The following PLEKHA7 variants were observed in gnomAD, a reference collection of about 807,000 sequenced individuals.
PLEKHA7 encodes the protein pleckstrin homology domain-containing family A member 7.
PLEKHA7 carries 104 observed loss-of-function variants against 170.0 expected under a neutral mutation model. The observed-to-expected ratio is 0.61, with a 90% confidence interval of 0.52 to 0.72. The LOEUF is 0.72. Ranked by LOEUF, PLEKHA7 falls within the 30% of genes least tolerant of loss-of-function variation. The pLI, the probability that PLEKHA7 is intolerant of heterozygous loss-of-function variation, is 0.00. For synonymous variants in PLEKHA7, 648 were observed against 660.8 expected, an observed-to-expected ratio of 0.98 and a Z score of 0.30; for missense variants, 1,615 against 1,671.7, an observed-to-expected ratio of 0.97 and a Z score of 0.59.
At chr11:16,829,195 T>G (rs1276289936) in intron 9 of PLEKHA7, among the ~76,000 whole-genome samples, 1 of 151,030 alleles carries the variant, frequency 6.6e-6, no homozygotes, top group Admixed American at 6.6e-5. Context: ...AAAAAAAATC[T>G]GTAGAGACTG....
rs146843516 is a variant in PLEKHA7, at chr11:16,943,791, GCAGA to G, written c.221+70194_221+70197del. 7.8e-3 allele frequency among the ~76,000 whole-genome samples: 1,188 copies of G among 152,272 alleles called. 6 individuals carry two copies. Among genetic ancestry groups the G allele is most frequent in the Non-Finnish European group, 0.013 (917 of 68,016 alleles). On this transcript the variant is annotated intron_variant, in intron 3 of 26. Transcript: ENST00000531066. ...CCTTCGTGACCAGGAGATCATCCAG[GCAGA>G]CAGAGACAGTGCCAGGAGAAACTAA...
intron 3 of PLEKHA7, among the ~76,000 whole-genome samples, chr11:16,888,604 C>T (rs181414746): frequency 0.081 from 12,257 of 152,136 alleles, 78 homozygotes; most frequent in Non-Finnish European, 0.12. Flanking sequence ...GGATTAAGGG[C>T]GGTGCAAGAT....
rs549034105 is a variant in PLEKHA7 at position 16,889,122 on chromosome 11, A to G, written c.222-17940T>C. Among the ~76,000 whole-genome samples, 20 of 151,532 alleles carry G rather than the reference A, an allele frequency of 1.3e-4. 1 individual carries two copies. The East Asian group carries it at 3.7e-3, about 28-fold the overall frequency. ...AGCCAGTTCCTGCCTTAACTGATTAACCAACATTACAACATTCCACCATTG... is the reference window on the plus strand; with the variant it reads ...AGCCAGTTCCTGCCTTAACTGATTAGCCAACATTACAACATTCCACCATTG... On this transcript the variant is annotated intron_variant, in intron 3 of 26. Transcript: ENST00000531066.
chr11:16,940,558 G>A (rs923633374), intron 3 of PLEKHA7, among the ~76,000 whole-genome samples: 25 of 152,134 alleles, frequency 1.6e-4, no homozygotes, highest in Non-Finnish European at 3.4e-4. Flanking sequence ...AAAGTGCTGG[G>A]ATTACAGGCG....
chr11:16,897,626 T>C (rs1298311062), intron 3 of PLEKHA7, among the ~76,000 whole-genome samples: 2 of 152,176 alleles, frequency 1.3e-5, no homozygotes, highest in Non-Finnish European at 2.9e-5. Context: ...GGAGGAGGCC[T>C]GCAAGCTATC....
intron 24 of PLEKHA7, among the ~76,000 whole-genome samples, chr11:16,785,003 A>G (rs990849787): frequency 6.6e-6 from 1 of 152,198 alleles, no homozygotes; most frequent in Admixed American, 6.5e-5. Flanking sequence ...TTCAGATGGC[A>G]AAGGAACAAG....
chr11:16,817,016 G>A lies in PLEKHA7; in HGVS notation c.1650C>T (p.Asp550=), dbSNP rs772123734. The part of the protein sequence containing the change: ...PICLGSPEFT[D]QGRSRSMLEV... ...CTAGCATGCTCCTGCTCCGGCCCTGGTCGGTGAACTCTGGGGAGCCAAGGC... is the reference window on the plus strand; with the variant it reads ...CTAGCATGCTCCTGCTCCGGCCCTGATCGGTGAACTCTGGGGAGCCAAGGC... Residue 550 remains aspartate, a synonymous_variant, in exon 11 of 27, where the codon GAC becomes GAT. Transcript: ENST00000531066. This position sits in a 1 kb window ranked among gnomAD's most constrained non-coding sequence, Gnocchi z 4.4. 3.1e-6 allele frequency: 5 copies of A among 1,603,618 alleles called. No individual in the cohort carries two copies. In the African/African-American group the frequency reaches 5.3e-5, roughly 17 times the overall value.
At chr11:16,922,424 T>C (rs990842651) in intron 3 of PLEKHA7, among the ~76,000 whole-genome samples, 1 of 152,186 alleles carries the variant, frequency 6.6e-6, no homozygotes, top group African/African-American at 2.4e-5. Flanking sequence ...AGCTAGTAAG[T>C]AGCAGAGACT....
chr11:16,804,092 T>C (rs1848783910), intron 13 of PLEKHA7, among the ~76,000 whole-genome samples: 1 of 152,196 alleles, frequency 6.6e-6, no homozygotes, highest in African/African-American at 2.4e-5. Flanking sequence ...TATCCCATTT[T>C]TCCATTTCCC....
At chr11:16,957,571 G>A (rs902599446) in intron 3 of PLEKHA7, among the ~76,000 whole-genome samples, 3 of 151,976 alleles carry the variant, frequency 2.0e-5, no homozygotes, top group African/African-American at 7.3e-5. Context: ...TGGAGTGATG[G>A]GACTATTCTG....
At chr11:16,985,500 C>T (rs1863669294) in intron 3 of PLEKHA7, among the ~76,000 whole-genome samples, 1 of 148,726 alleles carries the variant, frequency 6.7e-6, no homozygotes, top group South Asian at 2.1e-4. Context: ...GCAGCAAATG[C>T]AGTGCCAAGA....
intron 4 of PLEKHA7, among the ~76,000 whole-genome samples, chr11:16,861,090 CCAAA>C (rs1157913561): frequency 1.3e-5 from 2 of 152,178 alleles, no homozygotes; most frequent in Non-Finnish European, 2.9e-5. Flanking sequence ...GCTCAAGGTG[CCAAA>C]CAATTAACTT....
At chr11:16,853,565 C>G (rs550515678) in intron 6 of PLEKHA7, among the ~76,000 whole-genome samples, 1 of 152,336 alleles carries the variant, frequency 6.6e-6, no homozygotes, top group African/African-American at 2.4e-5. Flanking sequence ...GTTATGGTTA[C>G]AGCACAGCCA....
rs975159358 is a variant in PLEKHA7 at position 16,826,465 on chromosome 11, A to G, written c.998T>C (p.Val333Ala). 6.2e-7 allele frequency: 1 copy of G among 1,614,150 alleles called. No homozygotes were observed. The highest frequency in any genetic ancestry group is 1.7e-5 in the Admixed American group (1 of 60,028). Reference sequence around the variant, plus strand: ...CTCCTGCTCCTGCCTCTCGAAGTTGACAATGTCATCATGGCCACGATGAGG... The same window carrying G: ...CTCCTGCTCCTGCCTCTCGAAGTTGGCAATGTCATCATGGCCACGATGAGG... ...DCPHRGHDDI[V>A]NFERQEQEGE... is the part of the protein sequence containing the mutation. The change falls in exon 10 of 27, where the codon GTC becomes GCC. Residue 333 changes from valine to alanine, a missense_variant. Coordinates refer to ENST00000531066, the MANE Select transcript of PLEKHA7 (RefSeq NM_001329630.2).
At chr11:16,966,698 T>C (rs1185179147) in intron 3 of PLEKHA7, among the ~76,000 whole-genome samples, 9 of 152,170 alleles carry the variant, frequency 5.9e-5, no homozygotes, top group Non-Finnish European at 1.3e-4. Context: ...GATTTTTTTT[T>C]TTTTAACCTT....
intron 8 of PLEKHA7, among the ~76,000 whole-genome samples, chr11:16,849,458 G>A (rs915915633): frequency 6.6e-6 from 1 of 152,184 alleles, no homozygotes; most frequent in Non-Finnish European, 1.5e-5. Flanking sequence ...AATCTGAAAG[G>A]CACTGAACAA....
chr11:16,985,520 G>A (rs559140076), intron 3 of PLEKHA7, among the ~76,000 whole-genome samples: 10 of 151,178 alleles, frequency 6.6e-5, no homozygotes, highest in African/African-American at 2.4e-4. Context: ...AGTGCAAGGG[G>A]CAAGAGAGCT....
chr11:16,957,697 CTTTTTTT>C lies in PLEKHA7; in HGVS notation c.221+56285_221+56291del, dbSNP rs1169142909. 4.1e-4 allele frequency among the ~76,000 whole-genome samples: 36 copies of C among 87,306 alleles called. 1 individual carries two copies. The highest frequency in any genetic ancestry group is 1.3e-3 in the African/African-American group (26 of 19,790). 57.3% of individuals were successfully genotyped at this position (87,306 alleles called of 152,430 possible). The stretch of plus-strand genomic sequence containing the variant: ...TGAATTTTACCTCAATAATTTTTTT[CTTTTTTT>C]TTTTTTTTTTTTTTTTTGAGACAGA... On this transcript the variant is annotated intron_variant, in intron 3 of 26. Transcript: ENST00000531066.
chr11:16,857,019 G>A (rs953525146), intron 4 of PLEKHA7, among the ~76,000 whole-genome samples: 11 of 152,174 alleles, frequency 7.2e-5, no homozygotes, highest in African/African-American at 2.7e-4. Context: ...TGCAGCTGAC[G>A]AAGCAACACT....
Sources: gnomAD v4.1 joint callset for allele counts (sites outside exome capture counted in the v4.1 genomes callset) on GRCh38, gnomAD v4.1.1 for gene constraint, Gnocchi (gnomAD v3.1) non-coding constraint, MANE v1.5 for transcripts, NCBI Gene and HGNC (gene_info 2026-07-23, HGNC 2026-07-21) for gene names.